The following CDCA2 variants were observed in gnomAD, a reference collection of about 807,000 sequenced individuals.
CDCA2 encodes the protein cell division cycle associated 2, also known as cell division cycle-associated protein 2.
CDCA2 carries 44 observed loss-of-function variants against 67.0 expected under a neutral mutation model. The ratio of observed to expected loss-of-function variants is 0.66; its 90% CI spans 0.52 to 0.84. CDCA2 has a LOEUF of 0.84. Ranked by LOEUF, CDCA2 falls within the 40% of genes least tolerant of loss-of-function variation. CDCA2 has a pLI of 0.00. For synonymous variants in CDCA2, 447 were observed against 418.7 expected, an observed-to-expected ratio of 1.07 and a Z score of -0.82; for missense variants, 1,253 against 1,203.2, an observed-to-expected ratio of 1.04 and a Z score of -0.61.
At chr8:25,462,743 C>T (rs955345250) in intron 4 of CDCA2, among the ~76,000 whole-genome samples, 37 of 152,218 alleles carry the variant, frequency 2.4e-4, no homozygotes, top group Non-Finnish European at 1.5e-5. Context: ...CTGGTGCAAT[C>T]ATAGCCCACC....
At chr8:25,490,516 G>A (rs1332802705) in intron 13 of CDCA2, among the ~76,000 whole-genome samples, 1 of 152,038 alleles carries the variant, frequency 6.6e-6, no homozygotes, top group East Asian at 1.9e-4. Context: ...TGCTAGGAGG[G>A]AGCTAGAGAG....
At position 25,479,847 on chromosome 8, in the gene CDCA2, T is replaced by TTGTA; in HGVS notation, c.821-65_821-64insGTAT. The stretch of plus-strand genomic sequence containing the variant: ...GTTATTATCTTTGCAAATACTATAT[T>TTGTA]TTTGGTCTAGAACAAACAGATTTAA... On this transcript the variant is annotated intron_variant, in intron 7 of 14. Coordinates refer to ENST00000330560, the MANE Select transcript of CDCA2 (RefSeq NM_152562.4). The TTGTA allele has an allele frequency of 2.1e-6, 3 of 1,450,098 alleles. No homozygotes were observed. The South Asian group carries it at 3.5e-5, about 17-fold the overall frequency. 89.8% of individuals were successfully genotyped at this position (1,450,098 alleles called of 1,614,324 possible).
At chr8:25,482,993 A>G (rs936411971) in intron 8 of CDCA2, among the ~76,000 whole-genome samples, 1 of 152,228 alleles carries the variant, frequency 6.6e-6, no homozygotes, top group African/African-American at 2.4e-5. Flanking sequence ...ATGCCATTAT[A>G]TAAAAGGGAC....
chr8:25,476,027 G>A (rs1277989665), intron 7 of CDCA2, among the ~76,000 whole-genome samples: 1 of 152,204 alleles, frequency 6.6e-6, no homozygotes, highest in Non-Finnish European at 1.5e-5. Flanking sequence ...GTGGCACTGT[G>A]CCAGTTGGGA....
At chr8:25,496,797 C>T (rs2117541099) in intron 13 of CDCA2, among the ~76,000 whole-genome samples, 1 of 152,156 alleles carries the variant, frequency 6.6e-6, no homozygotes, top group East Asian at 1.9e-4. Context: ...TGTACACTAT[C>T]AATAGGAATG....
rs376617235 is a variant in CDCA2 at position 25,507,417 on chromosome 8, A to G, written c.2751A>G (p.Gln917=). 3 of 1,613,930 alleles carry G rather than the reference A, an allele frequency of 1.9e-6. No homozygotes were observed. The highest frequency in any genetic ancestry group is 2.7e-5 in the African/African-American group (2 of 74,922). ...CACTTCCACTTCCTTCCACTTCCCAAAAAGCCAAAAGAAGAACAATATGTA... is the reference window on the plus strand; with the variant it reads ...CACTTCCACTTCCTTCCACTTCCCAGAAAGCCAAAAGAAGAACAATATGTA... ...WISLPLPSTS[Q]KAKRRTICTF... is the part of the protein sequence containing the mutation. The change falls in exon 15 of 15, where the codon CAA becomes CAG. Residue 917 remains glutamine, a synonymous_variant. Transcript: ENST00000330560.
chr8:25,486,274 A>C (rs188047935), intron 11 of CDCA2, among the ~76,000 whole-genome samples: 26 of 152,342 alleles, frequency 1.7e-4, no homozygotes, highest in African/African-American at 6.0e-4. Context: ...ACAAAGCAAC[A>C]GATTGCTCCC....
At chr8:25,485,122 T>C (rs1393679789) in intron 10 of CDCA2, among the ~76,000 whole-genome samples, 1 of 151,238 alleles carries the variant, frequency 6.6e-6, no homozygotes, top group Admixed American at 6.6e-5. Flanking sequence ...CACACCAACA[T>C]GGCACGTGTA....
rs750907201 is a variant in CDCA2 at position 25,507,439 on chromosome 8, T to A, written c.2773T>A (p.Cys925Ser). Residue 925 changes from cysteine (C) to serine (S), a missense_variant, in exon 15 of 15, where the codon TGT becomes AGT. Coordinates refer to ENST00000330560, the MANE Select transcript of CDCA2 (RefSeq NM_152562.4). ...TSQKAKRRTI[C>S]TFDSSGFESM... ...CCAAAAAGCCAAAAGAAGAACAATA[T>A]GTACATTTGACAGCAGTGGATTTGA... 1 of 1,613,960 alleles carries A rather than the reference T, an allele frequency of 6.2e-7. No individual in the cohort carries two copies. Among genetic ancestry groups the A allele is most frequent in the Admixed American group, 1.7e-5 (1 of 59,986 alleles).
chr8:25,499,847 G>A (rs1050551876), intron 13 of CDCA2, among the ~76,000 whole-genome samples: 4 of 152,132 alleles, frequency 2.6e-5, no homozygotes, highest in African/African-American at 4.8e-5. Context: ...CTTCCCCCGG[G>A]GGTTCCAAGC....
intron 7 of CDCA2, among the ~76,000 whole-genome samples, chr8:25,470,657 C>T (rs888041412): frequency 6.6e-5 from 10 of 152,178 alleles, no homozygotes; most frequent in Admixed American, 4.6e-4. Flanking sequence ...TCAATTTCCT[C>T]TCCTTTCCAG....
At chr8:25,503,323 A>T in intron 13 of CDCA2, 50 bp from the exon 14 acceptor site, 1 of 1,410,704 alleles carries the variant, frequency 7.1e-7, no homozygotes, top group Non-Finnish European at 1.0e-6. Context: ...TCAAAATTTT[A>T]CATGGTGCTA....
At chr8:25,485,221 A>T (rs1442177150) in intron 10 of CDCA2, among the ~76,000 whole-genome samples, 2 of 150,302 alleles carry the variant, frequency 1.3e-5, no homozygotes, top group Non-Finnish European at 3.0e-5. Context: ...AAGAAAAAGC[A>T]TTTAACAAAA....
chr8:25,465,886 A>G (rs1802879007), intron 4 of CDCA2, among the ~76,000 whole-genome samples: 1 of 152,220 alleles, frequency 6.6e-6, no homozygotes, highest in Non-Finnish European at 1.5e-5. Context: ...GCAAATAGAC[A>G]GGTTCCTCCT....
intron 7 of CDCA2, among the ~76,000 whole-genome samples, chr8:25,478,888 G>GTATA (rs71511103): frequency 4.5e-5 from 5 of 111,602 alleles, no homozygotes; most frequent in South Asian, 2.8e-4. Context: ...TTGTGTGTGT[G>GTATA]TATATATATA....
intron 5 of CDCA2, among the ~76,000 whole-genome samples, chr8:25,467,428 T>C (rs1382657106): frequency 1.3e-5 from 2 of 152,214 alleles, no homozygotes; most frequent in Admixed American, 6.5e-5. Context: ...GACTCACTTA[T>C]TGTTTCAGTT....
chr8:25,478,052 A>C (rs1803419255), intron 7 of CDCA2, among the ~76,000 whole-genome samples: 2 of 150,628 alleles, frequency 1.3e-5, no homozygotes, highest in South Asian at 4.2e-4. Flanking sequence ...TCAGCCTTCC[A>C]AGTAGCTGGG....
rs761385573 is a variant in CDCA2, at chr8:25,460,544, G to A, written c.222G>A (p.Arg74=). The A allele has an allele frequency of 9.9e-6, 16 of 1,612,790 alleles. No homozygotes were observed. The highest frequency in any genetic ancestry group is 1.2e-5 in the Non-Finnish European group (14 of 1,179,606). ...GAATTACACCTGAAAGCTTTGTTAGGAACTCTGCAGGTAAGAAAAGTTGTC... is the reference window on the plus strand; with the variant it reads ...GAATTACACCTGAAAGCTTTGTTAGAAACTCTGCAGGTAAGAAAAGTTGTC... The part of the protein sequence containing the change: ...QLGITPESFV[R]NSAGKSSSYL... Residue 74 remains arginine, a synonymous_variant, in exon 3 of 15, where the codon AGG becomes AGA. Coordinates refer to ENST00000330560, the MANE Select transcript of CDCA2 (RefSeq NM_152562.4).
At chr8:25,463,596 C>T (rs1251635106) in intron 4 of CDCA2, among the ~76,000 whole-genome samples, 1 of 151,924 alleles carries the variant, frequency 6.6e-6, no homozygotes, top group Non-Finnish European at 1.5e-5. Flanking sequence ...TGTACTCCTT[C>T]TACTGATTAA....
Sources: gnomAD v4.1 joint callset for allele counts (sites outside exome capture counted in the v4.1 genomes callset) on GRCh38, gnomAD v4.1.1 for gene constraint, MANE v1.5 for transcripts, NCBI Gene and HGNC (gene_info 2026-07-23, HGNC 2026-07-21) for gene names.